The following ZNF536 variants were observed in gnomAD, a reference collection of about 807,000 sequenced individuals.
ZNF536 encodes zinc finger protein 536.
In ZNF536, 13 loss-of-function variants were observed where a neutral mutation model predicts 84.5. The ratio of observed to expected loss-of-function variants is 0.15; its 90% CI spans 0.10 to 0.24. The LOEUF is 0.24. ZNF536 is among the 10% of genes least tolerant of loss of function. ZNF536 has a pLI of 1.00. For synonymous variants in ZNF536, 811 were observed against 742.5 expected, an observed-to-expected ratio of 1.09 and a Z score of -1.50; for missense variants, 1,536 against 1,747.5, an observed-to-expected ratio of 0.88 and a Z score of 2.16.
chr19:30,268,951 T>C (rs990865019), intron 1 of ZNF536, among the ~76,000 whole-genome samples: 1 of 152,202 alleles, frequency 6.6e-6, no homozygotes, highest in Admixed American at 6.5e-5. Context: ...TGGTTCTAAG[T>C]CAAGTAGTTT....
chr19:30,626,075 C>CA (rs562293967), intron 1 of ZNF536, among the ~76,000 whole-genome samples: 238 of 152,240 alleles, frequency 1.6e-3, no homozygotes, highest in African/African-American at 5.6e-3. Context: ...CATTTGGTTC[C>CA]AAAAAATGCC....
rs142744560 is a variant in ZNF536 at position 30,548,583 on chromosome 19, G to A, written c.2964G>A (p.Pro988=). Residue 988 remains proline (P), a synonymous_variant, in exon 4 of 5, where the codon CCG becomes CCA. Transcript: ENST00000355537. Reference sequence around the variant, plus strand: ...TGCGGCCAGATGCCGCCTCCCTCCCGGGCTCCTCGGTAACTGTGCAGGACA... The same window carrying A: ...TGCGGCCAGATGCCGCCTCCCTCCCAGGCTCCTCGGTAACTGTGCAGGACA... ...LSVRPDAASL[P]GSSVTVQDSI... 3.1e-3 allele frequency: 4,938 copies of A among 1,614,090 alleles called. 14 individuals are homozygous for A. The highest frequency in any genetic ancestry group is 8.0e-3 in the East Asian group (358 of 44,856).
intron 2 of ZNF536, among the ~76,000 whole-genome samples, chr19:30,335,073 C>T (rs967248058): frequency 1.3e-5 from 2 of 152,238 alleles, no homozygotes; most frequent in Non-Finnish European, 2.9e-5. Flanking sequence ...TAAAGATCTC[C>T]GTACAGCATC....
At chr19:30,470,208 T>C (rs1484072579) in intron 2 of ZNF536, among the ~76,000 whole-genome samples, 1 of 152,174 alleles carries the variant, frequency 6.6e-6, no homozygotes, top group East Asian at 1.9e-4. Context: ...TACACCCTTT[T>C]TTGAGGAAGG....
intron 3 of ZNF536, among the ~76,000 whole-genome samples, chr19:30,365,954 T>C (rs905154667): frequency 6.6e-6 from 1 of 152,192 alleles, no homozygotes; most frequent in African/African-American, 2.4e-5. Flanking sequence ...AGTTTCTCTA[T>C]GTATCATCTG....
At chr19:30,464,380 G>A (rs574931210) in intron 2 of ZNF536, among the ~76,000 whole-genome samples, 12 of 152,142 alleles carry the variant, frequency 7.9e-5, no homozygotes, top group Non-Finnish European at 1.6e-4. Context: ...GAGGGGTAAA[G>A]GTCAATCAGC....
chr19:30,513,481 C>T (rs1320360651), intron 2 of ZNF536, among the ~76,000 whole-genome samples: 6 of 152,122 alleles, frequency 3.9e-5, no homozygotes, highest in Non-Finnish European at 4.4e-5. Context: ...CCCCCAACCC[C>T]GGTGACTCCT....
At chr19:30,509,229 A>G (rs1260774983) in intron 2 of ZNF536, among the ~76,000 whole-genome samples, 3 of 146,028 alleles carry the variant, frequency 2.1e-5, no homozygotes, top group Non-Finnish European at 3.0e-5. Flanking sequence ...CGAGTTATAT[A>G]ATGTATACAA....
chr19:30,243,890 A>C (rs2024101649), intron 1 of ZNF536, among the ~76,000 whole-genome samples: 1 of 152,256 alleles, frequency 6.6e-6, no homozygotes. Context: ...CTTGGGGAAC[A>C]ATGAAAAACT....
upstream of ZNF536, among the ~76,000 whole-genome samples, chr19:30,371,604 C>A (rs2048615286): frequency 6.8e-6 from 1 of 147,710 alleles, no homozygotes; most frequent in East Asian, 2.0e-4. Flanking sequence ...ATGCCACATG[C>A]TATCCAGTGA....
At chr19:30,497,114 C>T (rs894067039) in intron 2 of ZNF536, among the ~76,000 whole-genome samples, 1 of 152,210 alleles carries the variant, frequency 6.6e-6, no homozygotes, top group Non-Finnish European at 1.5e-5. Flanking sequence ...GGTGCTGACA[C>T]ACATACCGAG....
At chr19:30,569,390 C>T (rs1224217192) in intron 1 of ZNF536, among the ~76,000 whole-genome samples, 6 of 151,770 alleles carry the variant, frequency 4.0e-5, no homozygotes, top group Non-Finnish European at 7.4e-5. Context: ...CTCTCTTCCT[C>T]CATTCTCCTT....
Position 30,400,950 on chromosome 19 carries a change from A to G in ZNF536, c.-3+28394A>G, listed in dbSNP as rs185243876. Among the ~76,000 whole-genome samples, 15 of 152,282 alleles carry G rather than the reference A, an allele frequency of 9.9e-5. No homozygotes were observed. The East Asian group carries it at 2.7e-3, about 27-fold the overall frequency. On this transcript the variant is annotated intron_variant, in intron 1 of 4. Transcript: ENST00000355537. The stretch of plus-strand genomic sequence containing the variant: ...CCATTTGCCCAGGACCTAGGTTCCT[A>G]TGATTTTTTTCCTATATTATCTTCT...
chr19:30,628,475 C>G (rs2048770007), intron 1 of ZNF536, among the ~76,000 whole-genome samples: 2 of 148,848 alleles, frequency 1.3e-5, no homozygotes, highest in South Asian at 4.2e-4. Context: ...GTCGCCCAGG[C>G]TGGAGTGCAG....
At chr19:30,383,743 CTCTT>C (rs1418322367) in intron 1 of ZNF536, among the ~76,000 whole-genome samples, 2 of 23,198 alleles carry the variant, frequency 8.6e-5, no homozygotes, top group Non-Finnish European at 8.1e-5. Flanking sequence ...TTCTTTCTTT[CTCTT>C]TCTTTCTTTC....
intron 1 of ZNF536, among the ~76,000 whole-genome samples, chr19:30,675,394 A>C (rs139486202): frequency 6.6e-6 from 1 of 152,298 alleles, no homozygotes; most frequent in East Asian, 1.9e-4. Context: ...ACAGGTGAGA[A>C]AGGACGCTGT....
intron 1 of ZNF536, among the ~76,000 whole-genome samples, chr19:30,232,068 T>G (rs1406416254): frequency 6.6e-6 from 1 of 152,094 alleles, no homozygotes; most frequent in Non-Finnish European, 1.5e-5. Context: ...CTTTTTTTTT[T>G]TCCCAAAAGA....
intron 2 of ZNF536, among the ~76,000 whole-genome samples, chr19:30,525,702 G>A (rs1406298933): frequency 3.9e-5 from 6 of 152,162 alleles, no homozygotes; most frequent in Admixed American, 3.3e-4. Context: ...ACTTTTACAC[G>A]AAAGTTAGAA....
At chr19:30,474,671 A>G (rs187873723) in intron 2 of ZNF536, among the ~76,000 whole-genome samples, 5 of 152,326 alleles carry the variant, frequency 3.3e-5, no homozygotes, top group Non-Finnish European at 5.9e-5. Context: ...ATTACTATTA[A>G]TTAAGGTTGA....
Sources: allele counts gnomAD v4.1 joint callset (sites outside exome capture counted in the v4.1 genomes callset), GRCh38; gene constraint gnomAD v4.1.1; transcripts MANE v1.5; gene names NCBI Gene and HGNC (gene_info 2026-07-23, HGNC 2026-07-21).